The following PDE1C variants were observed in gnomAD, a reference collection of about 807,000 sequenced individuals.
PDE1C encodes phosphodiesterase 1C, also known as dual specificity calcium/calmodulin-dependent 3',5'-cyclic nucleotide phosphodiesterase 1C.
In PDE1C, 62 loss-of-function variants were observed where a neutral mutation model predicts 93.1. The observed-to-expected ratio is 0.67, with a 90% confidence interval of 0.54 to 0.82. PDE1C has a LOEUF of 0.82. Ranked by LOEUF, PDE1C falls within the 40% of genes least tolerant of loss-of-function variation. The pLI is 0.00. For synonymous variants in PDE1C, 325 were observed against 310.1 expected, an observed-to-expected ratio of 1.05 and a Z score of -0.50; for missense variants, 742 against 884.6, an observed-to-expected ratio of 0.84 and a Z score of 2.04.
intron 17 of PDE1C, among the ~76,000 whole-genome samples, chr7:31,759,440 G>T (rs1039861037): frequency 3.9e-5 from 6 of 152,064 alleles, no homozygotes; most frequent in African/African-American, 9.7e-5. Flanking sequence ...ACCAAACCTG[G>T]ATCCCCACCC....
At chr7:31,652,100 G>A in the PDE1C span, 1 of 1,279,210 alleles carries the variant, frequency 7.8e-7, no homozygotes, top group Non-Finnish European at 1.1e-6. Flanking sequence ...TACCACAGGA[G>A]AGGTGCATTA....
chr7:31,781,599 T>C (rs574984562), intron 16 of PDE1C, among the ~76,000 whole-genome samples: 1 of 152,202 alleles, frequency 6.6e-6, no homozygotes, highest in Non-Finnish European at 1.5e-5. Flanking sequence ...TTTTTGCCCC[T>C]TTACAGCTTT....
At chr7:31,928,071 A>G (rs1803636599) in intron 2 of PDE1C, among the ~76,000 whole-genome samples, 1 of 152,058 alleles carries the variant, frequency 6.6e-6, no homozygotes, top group African/African-American at 2.4e-5. Flanking sequence ...GCTAACTAGA[A>G]TAACCAGTTT....
intron 1 of PDE1C, among the ~76,000 whole-genome samples, chr7:32,215,788 T>C (rs1286524771): frequency 5.3e-5 from 8 of 152,208 alleles, no homozygotes; most frequent in African/African-American, 1.9e-4. Context: ...CACCCCTGTT[T>C]TGAAAGCCCT....
rs369178459 is a variant in PDE1C at position 31,768,989 on chromosome 7, T to A, written c.1960+6675A>T. On this transcript the variant is annotated intron_variant, in intron 17 of 17. Transcript: ENST00000396191. ...TTTTGTATTTTTAGTAGAGATGGGG[T>A]TTTGTCACGTTGGCTAGGCTGGTCT... Among the ~76,000 whole-genome samples the A allele has an allele frequency of 3.3e-5, 5 of 152,088 alleles. No homozygotes were observed. The South Asian group carries it at 1.0e-3, about 32-fold the overall frequency.
At chr7:32,153,114 G>C (rs528386366) in intron 3 of PDE1C, among the ~76,000 whole-genome samples, 1 of 152,314 alleles carries the variant, frequency 6.6e-6, no homozygotes, top group East Asian at 1.9e-4. Flanking sequence ...AGTAAAAATA[G>C]CCAGTGCCCA....
intron 3 of PDE1C, among the ~76,000 whole-genome samples, chr7:32,110,413 C>T (rs1455845115): frequency 6.6e-6 from 1 of 152,176 alleles, no homozygotes; most frequent in Non-Finnish European, 1.5e-5. Context: ...ATAATTCAAT[C>T]ATCTCCCACT....
chr7:31,670,906 CAGA>C, the PDE1C span, among the ~76,000 whole-genome samples: 1 of 152,118 alleles, frequency 6.6e-6, no homozygotes, highest in Non-Finnish European at 1.5e-5. Context: ...GGTTGAATGT[CAGA>C]GAGGAGCAGC....
intron 3 of PDE1C, among the ~76,000 whole-genome samples, chr7:32,141,806 G>C (rs1337221112): frequency 6.9e-6 from 1 of 143,894 alleles, no homozygotes; most frequent in Non-Finnish European, 1.6e-5. Flanking sequence ...TTGCTTTCTT[G>C]TTTTGACAAA....
chr7:31,875,486 C>T (rs951161583), intron 5 of PDE1C, among the ~76,000 whole-genome samples: 1 of 151,998 alleles, frequency 6.6e-6, no homozygotes, highest in African/African-American at 2.4e-5. Context: ...GAGAATCCTG[C>T]TGTGGGGCCT....
At chr7:31,957,093 T>C (rs1327750138) in intron 2 of PDE1C, among the ~76,000 whole-genome samples, 1 of 151,314 alleles carries the variant, frequency 6.6e-6, no homozygotes, top group African/African-American at 2.4e-5. Flanking sequence ...GTAAAAATAA[T>C]TGCTCTGTAT....
intron 1 of PDE1C, among the ~76,000 whole-genome samples, chr7:32,284,462 C>G (rs1811873164): frequency 3.9e-5 from 6 of 152,136 alleles, no homozygotes; most frequent in Admixed American, 3.9e-4. Flanking sequence ...AGTTAGTTCC[C>G]CTTGAAAAGT....
chr7:32,373,848 C>T (rs975201655), intron 1 of PDE1C, among the ~76,000 whole-genome samples: 2 of 151,926 alleles, frequency 1.3e-5, no homozygotes, highest in African/African-American at 4.8e-5. Context: ...ATTAGCCAGG[C>T]GTGGTGGCGT....
At chr7:31,636,868 TCCCTCCCCCCTCCC>T in the PDE1C span, among the ~76,000 whole-genome samples, 5 of 112,930 alleles carry the variant, frequency 4.4e-5, no homozygotes, top group Non-Finnish European at 9.3e-5. Flanking sequence ...CCTAATGCTA[TCCCTCCCCCCTCCC>T]CCCTCCCCCC....
At chr7:31,698,715 A>T in the PDE1C span, among the ~76,000 whole-genome samples, 1 of 152,220 alleles carries the variant, frequency 6.6e-6, no homozygotes, top group African/African-American at 2.4e-5. Context: ...ACATAATAGA[A>T]AGTCTGCTAG....
intron 1 of PDE1C, among the ~76,000 whole-genome samples, chr7:32,052,122 G>A (rs982512530): frequency 6.6e-6 from 1 of 152,174 alleles, no homozygotes; most frequent in African/African-American, 2.4e-5. Flanking sequence ...CAATCATGCA[G>A]CTAAACTATG....
At chr7:32,231,200 C>G (rs1396428617) in intron 1 of PDE1C, among the ~76,000 whole-genome samples, 1 of 152,114 alleles carries the variant, frequency 6.6e-6, no homozygotes, top group Non-Finnish European at 1.5e-5. Flanking sequence ...AAATCACACC[C>G]AATCCAAAAC....
At chr7:32,378,429 C>T (rs1158092159) in intron 1 of PDE1C, among the ~76,000 whole-genome samples, 1 of 152,156 alleles carries the variant, frequency 6.6e-6, no homozygotes, top group Non-Finnish European at 1.5e-5. Flanking sequence ...TATAATACCC[C>T]TTCCCCAAAA....
chr7:32,369,420 C>A (rs186357083), intron 1 of PDE1C, among the ~76,000 whole-genome samples: 2 of 152,054 alleles, frequency 1.3e-5, no homozygotes, highest in African/African-American at 2.4e-5. Flanking sequence ...TCAGTGAAAT[C>A]AAAATCACAG....
Sources: allele counts gnomAD v4.1 joint callset (sites outside exome capture counted in the v4.1 genomes callset), GRCh38; gene constraint gnomAD v4.1.1; transcripts MANE v1.5; gene names NCBI Gene and HGNC (gene_info 2026-07-23, HGNC 2026-07-21).